GALNT13: variants seen among roughly 807,000 people sequenced by gnomAD.
The protein encoded by GALNT13 is UDP-GalNAc:polypeptide N-acetylgalactosaminyltransferase 13.
Under a neutral mutation model 64.2 loss-of-function variants are expected in GALNT13, and 28 were observed. The ratio of observed to expected loss-of-function variants is 0.44; its 90% CI spans 0.32 to 0.60. The LOEUF is 0.60. Among genes scored for constraint, GALNT13 ranks in the 20% least tolerant of loss-of-function variants. The pLI is 0.05. For missense variants in GALNT13, 577 were observed against 669.8 expected (o/e 0.86, Z 1.53); for synonymous variants, 214 against 224.6 (o/e 0.95, Z 0.42).
the GALNT13 span, among the ~76,000 whole-genome samples, chr2:153,106,262 C>G: frequency 6.6e-6 from 1 of 152,134 alleles, no homozygotes; most frequent in Non-Finnish European, 1.5e-5. Flanking sequence ...ATAAATTATG[C>G]ATTGCTCCCT....
chr2:153,274,742 G>A, the GALNT13 span, among the ~76,000 whole-genome samples: 1 of 152,114 alleles, frequency 6.6e-6, no homozygotes, highest in Non-Finnish European at 1.5e-5. Context: ...TCTTTTATTT[G>A]AAGTCACGTT....
the GALNT13 span, among the ~76,000 whole-genome samples, chr2:153,674,914 A>G: frequency 6.6e-6 from 1 of 152,236 alleles, no homozygotes; most frequent in South Asian, 2.1e-4. Context: ...CTCAAAGAAG[A>G]CATTTATGCA....
rs191788514 is a variant in GALNT13, at chr2:154,322,857, G to C, written c.1156+21268G>C. On this transcript the variant is annotated intron_variant, in intron 9 of 12. Coordinates refer to ENST00000392825, the MANE Select transcript of GALNT13 (RefSeq NM_052917.4). ...GTGGTATTCAGCTGGCAAATGGGCTGTTCTGCAGGATCCAAGATGGCTTTA... is the reference window on the plus strand; with the variant it reads ...GTGGTATTCAGCTGGCAAATGGGCTCTTCTGCAGGATCCAAGATGGCTTTA... Among the ~76,000 whole-genome samples, 13 of 152,174 alleles carry C rather than the reference G, an allele frequency of 8.5e-5. No individual in the cohort carries two copies. In the East Asian group the frequency reaches 2.5e-3, roughly 29 times the overall value.
chr2:153,596,324 T>G, the GALNT13 span, among the ~76,000 whole-genome samples: 1 of 152,154 alleles, frequency 6.6e-6, no homozygotes, highest in Non-Finnish European at 1.5e-5. Flanking sequence ...CATCAGGAAG[T>G]GGAGACAAAA....
the GALNT13 span, among the ~76,000 whole-genome samples, chr2:153,554,619 G>A: frequency 6.6e-6 from 1 of 151,860 alleles, no homozygotes; most frequent in Non-Finnish European, 1.5e-5. Context: ...TCTCAGAAAA[G>A]GTCTGTTACC....
intron 9 of GALNT13, among the ~76,000 whole-genome samples, chr2:154,369,256 G>A (rs181377896): frequency 1.2e-3 from 190 of 152,066 alleles, no homozygotes; most frequent in African/African-American, 4.5e-3. Flanking sequence ...TATAGAAAGA[G>A]CACAAACTTT....
chr2:154,128,648 C>T (rs114478284), intron 3 of GALNT13, among the ~76,000 whole-genome samples: 2,226 of 151,930 alleles, frequency 0.015, 48 homozygotes, highest in African/African-American at 0.051. Flanking sequence ...TGGTAGGAGG[C>T]GGGTAGTGAT....
In GALNT13 at chr2:153,906,815, C is replaced by T. The variant is rs1336773201; in HGVS notation, c.-105+5808C>T. On this transcript the variant is annotated intron_variant, in intron 2 of 12. Transcript: ENST00000392825. ...TTCTAGTTCTAGATCCCTGAGGAAT[C>T]GCCACACTGACTTCCACAATGGCTG... Among the ~76,000 whole-genome samples the T allele has an allele frequency of 2.3e-4, 35 of 151,344 alleles. No individual in the cohort carries two copies. The East Asian group carries it at 6.2e-3, about 27-fold the overall frequency.
chr2:154,280,284 G>A (rs1422488418), intron 8 of GALNT13, among the ~76,000 whole-genome samples: 1 of 152,030 alleles, frequency 6.6e-6, no homozygotes, highest in East Asian at 1.9e-4. Context: ...AACTAGACTG[G>A]CCTGTAAGCT....
At chr2:153,259,681 G>C in the GALNT13 span, among the ~76,000 whole-genome samples, 3 of 152,078 alleles carry the variant, frequency 2.0e-5, no homozygotes, top group African/African-American at 4.8e-5. Flanking sequence ...TGTAAGACTT[G>C]CCTTTGTTCT....
At chr2:153,944,984 C>A (rs995262224) in intron 3 of GALNT13, among the ~76,000 whole-genome samples, 14 of 152,108 alleles carry the variant, frequency 9.2e-5, no homozygotes, top group African/African-American at 3.4e-4. Context: ...AAAGACCAAG[C>A]ACATAACATA....
chr2:154,243,353 C>G (rs981577527), intron 6 of GALNT13, among the ~76,000 whole-genome samples: 27 of 152,068 alleles, frequency 1.8e-4, no homozygotes, highest in African/African-American at 6.0e-4. Flanking sequence ...TCAGCTCTTT[C>G]CAGTTCTCTG....
the GALNT13 span, among the ~76,000 whole-genome samples, chr2:153,330,367 C>T: frequency 6.6e-6 from 1 of 152,266 alleles, no homozygotes; most frequent in East Asian, 1.9e-4. Flanking sequence ...TTTCATTGGG[C>T]AGTATGGCCA....
the GALNT13 span, among the ~76,000 whole-genome samples, chr2:153,612,483 A>G: frequency 6.6e-6 from 1 of 152,202 alleles, no homozygotes; most frequent in Non-Finnish European, 1.5e-5. Flanking sequence ...ATTTGACTAC[A>G]TGAAAATTAC....
chr2:153,164,014 T>C, the GALNT13 span, among the ~76,000 whole-genome samples: 1 of 125,010 alleles, frequency 8.0e-6, no homozygotes, highest in Non-Finnish European at 1.7e-5. Context: ...CCAGGCTCCG[T>C]CTCAAAAAAA....
At chr2:153,503,446 A>C in the GALNT13 span, among the ~76,000 whole-genome samples, 50 of 151,776 alleles carry the variant, frequency 3.3e-4, no homozygotes, top group Admixed American at 6.6e-4. Context: ...TTTTTTAAAT[A>C]ATTAATTTAT....
chr2:153,196,232 G>A, the GALNT13 span, among the ~76,000 whole-genome samples: 1 of 152,116 alleles, frequency 6.6e-6, no homozygotes, highest in African/African-American at 2.4e-5. Flanking sequence ...TCTGCCTCAT[G>A]CCACCATCCA....
intron 7 of GALNT13, among the ~76,000 whole-genome samples, chr2:154,256,157 G>C (rs1298283134): frequency 6.6e-6 from 1 of 152,052 alleles, no homozygotes; most frequent in East Asian, 1.9e-4. Context: ...ATGTGGACTT[G>C]TCCTATAACC....
At chr2:154,320,082 A>C (rs887574840) in intron 9 of GALNT13, among the ~76,000 whole-genome samples, 4 of 152,176 alleles carry the variant, frequency 2.6e-5, no homozygotes, top group African/African-American at 9.6e-5. Context: ...ATTTCTATGG[A>C]TACTGTGGAT....
Sources: allele counts gnomAD v4.1 joint callset (sites outside exome capture counted in the v4.1 genomes callset), GRCh38; gene constraint gnomAD v4.1.1; transcripts MANE v1.5; gene names NCBI Gene and HGNC (gene_info 2026-07-23, HGNC 2026-07-21).